Variants in TMTC2 observed in about 807,000 individuals in gnomAD.
TMTC2 encodes the protein protein O-mannosyl-transferase TMTC2.
A neutral mutation model predicts 82.4 loss-of-function variants in TMTC2; 43 were observed. The ratio of observed to expected loss-of-function variants is 0.52; its 90% CI spans 0.41 to 0.67. The LOEUF is 0.67. TMTC2 is among the 30% of genes least tolerant of loss of function. The pLI is 0.00. For synonymous variants in TMTC2, 408 were observed against 381.9 expected (o/e 1.07, Z -0.80); for missense variants, 919 against 1,012.4 (o/e 0.91, Z 1.25).
chr12:82,935,029 A>G (rs901902158), intron 4 of TMTC2, among the ~76,000 whole-genome samples: 3 of 152,174 alleles, frequency 2.0e-5, no homozygotes, highest in Non-Finnish European at 4.4e-5. Context: ...TAACCTTTAT[A>G]TGTAGAAATA....
chr12:82,938,826 A>G lies in TMTC2; in HGVS notation c.1598+8281A>G, dbSNP rs73157647. On this transcript the variant is annotated intron_variant, in intron 4 of 11. Transcript: ENST00000321196. ...ATAATAATACTGAAGAATATGGAGTAAAACATAGAAGTCCCTATTATTGCA... is the reference window on the plus strand; with the variant it reads ...ATAATAATACTGAAGAATATGGAGTGAAACATAGAAGTCCCTATTATTGCA... 4.0e-3 allele frequency among the ~76,000 whole-genome samples: 607 copies of G among 152,324 alleles called. 2 individuals carry two copies. The highest frequency in any genetic ancestry group is 6.8e-3 in the Middle Eastern group (2 of 294).
At chr12:82,902,762 A>G (rs1874087444) in intron 3 of TMTC2, among the ~76,000 whole-genome samples, 1 of 152,138 alleles carries the variant, frequency 6.6e-6, no homozygotes, top group Admixed American at 6.5e-5. Flanking sequence ...ATTGAGTACT[A>G]TGCTCGCTTC....
intron 4 of TMTC2, among the ~76,000 whole-genome samples, chr12:82,940,625 G>A (rs1312098332): frequency 6.8e-6 from 1 of 148,022 alleles, no homozygotes; most frequent in Non-Finnish European, 1.5e-5. Context: ...TTTTTCCTCT[G>A]GTGGGGCCTC....
chr12:82,984,391 C>G (rs1879065041), intron 7 of TMTC2, among the ~76,000 whole-genome samples: 2 of 152,078 alleles, frequency 1.3e-5, no homozygotes, highest in Admixed American at 1.3e-4. Context: ...AAAGGGCATT[C>G]AAAAGATCAA....
rs573233898 is a variant in TMTC2, at chr12:82,895,402, C to T, written c.655-416C>T. ...TTGTTTTTCTTCAAAATCTAAACTA[C>T]GATAAAATGAAAGACAACAGTTATT... On this transcript the variant is annotated intron_variant, in intron 2 of 11. Transcript: ENST00000321196. Among the ~76,000 whole-genome samples, 16 of 152,184 alleles carry T rather than the reference C, an allele frequency of 1.1e-4. No homozygotes were observed. The South Asian group carries it at 2.5e-3, about 24-fold the overall frequency.
At chr12:83,082,258 CAT>C (rs1883497150) in intron 11 of TMTC2, among the ~76,000 whole-genome samples, 1 of 152,182 alleles carries the variant, frequency 6.6e-6, no homozygotes, top group South Asian at 2.1e-4. Flanking sequence ...CCTCCCCAAA[CAT>C]GTGTGCTGTA....
chr12:82,953,548 A>G (rs931428407), intron 4 of TMTC2, among the ~76,000 whole-genome samples: 4 of 152,224 alleles, frequency 2.6e-5, no homozygotes, highest in African/African-American at 7.2e-5. Context: ...GATAGAGATT[A>G]AAGATTTATT....
chr12:82,986,199 GA>G, intron 8 of TMTC2, 153 bp downstream of exon 8: 2 of 999,926 alleles, frequency 2.0e-6, no homozygotes, highest in Non-Finnish European at 1.5e-6. Flanking sequence ...AGAAAATATA[GA>G]AAAATGTGTT....
chr12:82,972,223 G>A (rs144459780), intron 7 of TMTC2, among the ~76,000 whole-genome samples: 2 of 152,108 alleles, frequency 1.3e-5, no homozygotes, highest in African/African-American at 4.8e-5. Flanking sequence ...ATGGCCCATT[G>A]CTTTTTATTA....
chr12:82,833,976 G>A (rs1439382988), intron 1 of TMTC2, among the ~76,000 whole-genome samples: 2 of 152,172 alleles, frequency 1.3e-5, no homozygotes, highest in Non-Finnish European at 2.9e-5. Context: ...TTAAAAACTT[G>A]TGGACTTTGG....
At chr12:82,923,757 T>G (rs2137232221) in intron 3 of TMTC2, among the ~76,000 whole-genome samples, 1 of 152,354 alleles carries the variant, frequency 6.6e-6, no homozygotes, top group Non-Finnish European at 1.5e-5. Flanking sequence ...TGATTGTATT[T>G]ACATAGAATT....
At chr12:83,085,514 A>C (rs186721664) in intron 11 of TMTC2, among the ~76,000 whole-genome samples, 1 of 152,244 alleles carries the variant, frequency 6.6e-6, no homozygotes, top group East Asian at 1.9e-4. Flanking sequence ...TTGTATGGAG[A>C]GTAATATTTC....
chr12:82,905,289 T>G (rs1245663697), intron 3 of TMTC2, among the ~76,000 whole-genome samples: 1 of 152,180 alleles, frequency 6.6e-6, no homozygotes, highest in Non-Finnish European at 1.5e-5. Context: ...TTGTAGTATA[T>G]ATGGCAGCAC....
intron 11 of TMTC2, among the ~76,000 whole-genome samples, chr12:83,111,118 A>C (rs1470411767): frequency 2.0e-5 from 3 of 151,954 alleles, no homozygotes; most frequent in African/African-American, 7.3e-5. Flanking sequence ...ACTGAAATTT[A>C]CTCCTTCTTC....
Position 82,715,000 on chromosome 12 carries a change from G to A in TMTC2, c.83+27331G>A, listed in dbSNP as rs138827773. On this transcript the variant is annotated intron_variant, in intron 1 of 11. Transcript: ENST00000321196. ...AAAGGCATACAAATCTGCCGGGCACGGTGGCTCGCACCTGTAATCCCAGCA... is the reference window on the plus strand; with the variant it reads ...AAAGGCATACAAATCTGCCGGGCACAGTGGCTCGCACCTGTAATCCCAGCA... Among the ~76,000 whole-genome samples, 866 of 152,100 alleles carry A rather than the reference G, an allele frequency of 5.7e-3. 9 individuals carry two copies. Among genetic ancestry groups the A allele is most frequent in the Middle Eastern group, 0.037 (11 of 294 alleles).
At chr12:82,808,345 A>G (rs1362537592) in intron 1 of TMTC2, among the ~76,000 whole-genome samples, 1 of 151,856 alleles carries the variant, frequency 6.6e-6, no homozygotes, top group East Asian at 1.9e-4. Context: ...TAGACAGTAT[A>G]ATTTTATTTC....
intron 10 of TMTC2, among the ~76,000 whole-genome samples, chr12:83,052,936 G>T (rs1882408132): frequency 7.5e-6 from 1 of 132,994 alleles, no homozygotes; most frequent in Non-Finnish European, 1.7e-5. Context: ...AGTGACCACA[G>T]CAGCCTGACT....
chr12:82,855,690 C>T (rs1375636677), intron 1 of TMTC2, among the ~76,000 whole-genome samples: 1 of 152,162 alleles, frequency 6.6e-6, no homozygotes, highest in African/African-American at 2.4e-5. Context: ...CCAGGATGTT[C>T]CAAACTGAAT....
chr12:82,708,247 C>G (rs74106272), intron 1 of TMTC2, among the ~76,000 whole-genome samples: 1 of 152,304 alleles, frequency 6.6e-6, no homozygotes, highest in African/African-American at 2.4e-5. Flanking sequence ...ACTCTTCTGG[C>G]AAACTTACTG....
Sources: gnomAD v4.1 joint callset for allele counts (sites outside exome capture counted in the v4.1 genomes callset) on GRCh38, gnomAD v4.1.1 for gene constraint, MANE v1.5 for transcripts, NCBI Gene and HGNC (gene_info 2026-07-23, HGNC 2026-07-21) for gene names.